RYR2: variants seen among roughly 807,000 people sequenced by gnomAD.
RYR2 encodes ryanodine receptor 2, also known as cardiac muscle ryanodine receptor-calcium release channel.
Under a neutral mutation model 601.1 loss-of-function variants are expected in RYR2, and 227 were observed. The ratio of observed to expected loss-of-function variants is 0.38; its 90% CI spans 0.34 to 0.42. The LOEUF is 0.42. RYR2 is among the 10% of genes least tolerant of loss of function. The probability of loss-of-function intolerance (pLI) is 1.00; values close to 1 mark genes in which losing one functional copy is unlikely to be tolerated. For missense variants in RYR2, 4,646 were observed against 6,156.5 expected (o/e 0.75, Z 8.21); for synonymous variants, 2,223 against 2,175.1 (o/e 1.02, Z -0.61).
chr1:237,505,414 C>G (rs1665115748), intron 22 of RYR2, among the ~76,000 whole-genome samples: 1 of 152,142 alleles, frequency 6.6e-6, no homozygotes, highest in Non-Finnish European at 1.5e-5. Context: ...GAATTAATAC[C>G]ATGCCTCCAA....
In RYR2 at chr1:237,720,486, T is replaced by A. The variant is rs1376952405; in HGVS notation, c.10554+1965T>A. ...ATTCTTTTAGAGTGAGATTAATTACTATTAGAGTATGATCTCTTTTCAGAT... is the reference window on the plus strand; with the variant it reads ...ATTCTTTTAGAGTGAGATTAATTACAATTAGAGTATGATCTCTTTTCAGAT... On this transcript the variant is annotated intron_variant, in intron 73 of 104. Coordinates refer to ENST00000366574, the MANE Select transcript of RYR2 (RefSeq NM_001035.3). 2.6e-5 allele frequency among the ~76,000 whole-genome samples: 4 copies of A among 152,256 alleles called. No individual in the cohort carries two copies. In the East Asian group the frequency reaches 7.7e-4, roughly 29 times the overall value.
chr1:237,415,913 C>G (rs1479890232), intron 10 of RYR2, among the ~76,000 whole-genome samples: 1 of 152,106 alleles, frequency 6.6e-6, no homozygotes, highest in Admixed American at 6.6e-5. Context: ...ACGCGGTTGT[C>G]CCTATGTTGA....
At chr1:237,570,937 G>A (rs910777671) in intron 29 of RYR2, among the ~76,000 whole-genome samples, 3 of 152,038 alleles carry the variant, frequency 2.0e-5, no homozygotes, top group Non-Finnish European at 4.4e-5. Context: ...GACCAGCCTG[G>A]GCAACATAGC....
chr1:237,795,873 T>TATATGTATATGTATATATATATATAC lies in RYR2; in HGVS notation c.13956+543_13956+544insTATGTATATGTATATATATATATACA, dbSNP rs140571706. ...ATGTATATGTATATATATATATATA[T>TATATGTATATGTATATATATATATAC]ACACATATATATATACACACATATA... On this transcript the variant is annotated intron_variant, in intron 96 of 104. Coordinates refer to ENST00000366574, the MANE Select transcript of RYR2 (RefSeq NM_001035.3). Among the ~76,000 whole-genome samples the TATATGTATATGTATATATATATATAC allele has an allele frequency of 3.5e-5, 5 of 140,890 alleles. 1 individual carries two copies. Among genetic ancestry groups the TATATGTATATGTATATATATATATAC allele is most frequent in the African/African-American group, 1.3e-4 (5 of 37,134 alleles). The allele number at this position is 140,890 out of a possible 152,430, so 92.4% of individuals were successfully genotyped here.
intron 40 of RYR2, 114 bp from the exon 41 acceptor site, chr1:237,627,693 A>G: frequency 9.1e-7 from 1 of 1,098,104 alleles, no homozygotes. Flanking sequence ...AGCCTTTTCA[A>G]GCCTGGTACA....
intron 27 of RYR2, among the ~76,000 whole-genome samples, chr1:237,556,733 GCTACCA>G (rs1326244639): frequency 6.6e-6 from 1 of 151,700 alleles, no homozygotes; most frequent in Admixed American, 6.6e-5. Flanking sequence ...AGACTAAATT[GCTACCA>G]CTACCATACA....
chr1:237,482,905 G>A (rs1480818362), intron 17 of RYR2, among the ~76,000 whole-genome samples: 1 of 152,122 alleles, frequency 6.6e-6, no homozygotes, highest in Admixed American at 6.6e-5. Flanking sequence ...TAACTGGAGT[G>A]CAATGATATC....
At chr1:237,312,778 C>T (rs1051663391) in intron 2 of RYR2, among the ~76,000 whole-genome samples, 2 of 152,124 alleles carry the variant, frequency 1.3e-5, no homozygotes, top group Non-Finnish European at 2.9e-5. Context: ...TTTGTAAGAA[C>T]TTAGTGACCA....
chr1:237,427,257 C>T (rs572269051), intron 12 of RYR2, among the ~76,000 whole-genome samples: 4 of 152,022 alleles, frequency 2.6e-5, no homozygotes, highest in South Asian at 2.1e-4. Context: ...GACCACAGAG[C>T]GAATGGCTCT....
chr1:237,127,417 A>C (rs1374012504), intron 1 of RYR2, among the ~76,000 whole-genome samples: 1 of 136,406 alleles, frequency 7.3e-6, no homozygotes, highest in African/African-American at 2.8e-5. Context: ...CGGGGGGCTG[A>C]CCCCCCCACC....
intron 49 of RYR2, among the ~76,000 whole-genome samples, chr1:237,649,575 G>A (rs969591987): frequency 6.6e-6 from 1 of 152,174 alleles, no homozygotes; most frequent in Non-Finnish European, 1.5e-5. Context: ...TGATATTATT[G>A]TCTTCTTACA....
chr1:237,767,262 ATCAG>A (rs1219709518), intron 84 of RYR2, among the ~76,000 whole-genome samples: 3 of 152,194 alleles, frequency 2.0e-5, no homozygotes, highest in Non-Finnish European at 4.4e-5. Flanking sequence ...TGTAATGATA[ATCAG>A]TCAAAGATTT....
At chr1:237,807,425 A>C (rs1168860269) in intron 99 of RYR2, among the ~76,000 whole-genome samples, 1 of 152,138 alleles carries the variant, frequency 6.6e-6, no homozygotes, top group African/African-American at 2.4e-5. Context: ...ATCTCGGCTC[A>C]CTGCAACCTC....
intron 80 of RYR2, among the ~76,000 whole-genome samples, chr1:237,755,709 T>C (rs1692895813): frequency 6.6e-6 from 1 of 152,210 alleles, no homozygotes; most frequent in South Asian, 2.1e-4. Flanking sequence ...ATACAAAATA[T>C]AAAGGCACAT....
chr1:237,769,434 C>T (rs1341936500), intron 84 of RYR2, among the ~76,000 whole-genome samples: 1 of 152,200 alleles, frequency 6.6e-6, no homozygotes, highest in Non-Finnish European at 1.5e-5. Context: ...CTTGCCACGT[C>T]TGATTTGCAT....
chr1:237,311,338 C>T (rs895622445), intron 2 of RYR2, among the ~76,000 whole-genome samples: 2 of 152,052 alleles, frequency 1.3e-5, no homozygotes, highest in African/African-American at 2.4e-5. Flanking sequence ...TTGTTAATTA[C>T]AAATCTTATC....
chr1:237,801,367 CAAAAAAA>C (rs71162423), intron 97 of RYR2, among the ~76,000 whole-genome samples: 2,859 of 95,514 alleles, frequency 0.03, 28 homozygotes, highest in African/African-American at 0.06. Context: ...CCCATCTCTA[CAAAAAAA>C]AAAAAAAAAA....
At position 237,388,445 on chromosome 1, in the gene RYR2, A is replaced by G. The variant is rs2149850043; in HGVS notation, c.773+262A>G. Among the ~76,000 whole-genome samples, 3 of 152,376 alleles carry G rather than the reference A, an allele frequency of 2.0e-5. No homozygotes were observed. In the Middle Eastern group the frequency reaches 0.01, roughly 518 times the overall value. ...AACACTGAACAAAATTAACGAAGTG[A>G]GAAGAGTGACCACATTGCATTAAAC... On this transcript the variant is annotated intron_variant, in intron 10 of 104. Coordinates refer to ENST00000366574, the MANE Select transcript of RYR2 (RefSeq NM_001035.3).
In RYR2 at chr1:237,441,456, C is replaced by T. The variant is rs368844286; in HGVS notation, c.1143C>T (p.Ser381=). The part of the protein sequence containing the change: ...WLTYQSVDVK[S]VRMGSIQRKA... The stretch of plus-strand genomic sequence containing the variant: ...CTTACCAGTCTGTGGACGTGAAATC[C>T]GTGAGAATGGGATCTATACAACGTA... The change falls in exon 13 of 105, where the codon TCC becomes TCT. Residue 381 remains serine (S), a synonymous_variant. Coordinates refer to ENST00000366574, the MANE Select transcript of RYR2 (RefSeq NM_001035.3). The T allele has an allele frequency of 2.0e-4, 319 of 1,594,350 alleles. No homozygotes were observed. In the African/African-American group the frequency reaches 3.5e-3, roughly 17 times the overall value.
Sources: allele counts gnomAD v4.1 joint callset (sites outside exome capture counted in the v4.1 genomes callset), GRCh38; gene constraint gnomAD v4.1.1; transcripts MANE v1.5; gene names NCBI Gene and HGNC (gene_info 2026-07-23, HGNC 2026-07-21).